The following UQCRC2 variants were observed in gnomAD, a reference collection of about 807,000 sequenced individuals.
The protein encoded by UQCRC2 is cytochrome b-c1 complex subunit 2, mitochondrial.
Under a neutral mutation model 55.6 loss-of-function variants are expected in UQCRC2, and 49 were observed. The observed-to-expected ratio is 0.88, with a 90% CI of 0.70 to 1.12. The LOEUF is 1.12. Among genes scored for constraint, UQCRC2 ranks in the 50% most tolerant of loss-of-function variants. The probability of loss-of-function intolerance (pLI) is 0.00; values close to 1 mark genes in which losing one functional copy is unlikely to be tolerated. For synonymous variants in UQCRC2, 193 were observed against 192.0 expected (o/e 1.01, Z -0.04); for missense variants, 506 against 547.8 (o/e 0.92, Z 0.76).
In UQCRC2 at chr16:21,958,587, G is replaced by C. The variant is rs879147382; in HGVS notation, c.320G>C (p.Gly107Ala). 3.1e-6 allele frequency: 5 copies of C among 1,612,174 alleles called. No individual in the cohort carries two copies. Among genetic ancestry groups the C allele is most frequent in the South Asian group, 2.2e-5 (2 of 90,458 alleles). The change falls in exon 4 of 14, where the codon GGT (glycine) becomes GCT (alanine). Residue 107 changes from glycine (G) to alanine (A), a missense_variant. Gly to Ala is a moderately conservative substitution (Grantham distance 60). Transcript: ENST00000268379. ...FKITRGIEAV[G>A]GKLSVTATRE... ...ATAACCCGTGGAATTGAAGCAGTTG[G>C]TGGCAAATTAAGGTTTGTTAAATAA...
At chr16:21,971,471 G>A (rs1597962493) in intron 8 of UQCRC2, 54 bp from the exon 9 acceptor site, 29 of 1,387,230 alleles carry the variant, frequency 2.1e-5, no homozygotes, top group Non-Finnish European at 2.5e-5. Context: ...AATATTTTAC[G>A]ATTGTGTTTT....
In UQCRC2 at chr16:21,983,189, C is replaced by T. The variant is rs374530097; in HGVS notation, c.*18C>T. 3.2e-5 allele frequency: 51 copies of T among 1,607,026 alleles called. No homozygotes were observed. Among genetic ancestry groups the T allele is most frequent in the Admixed American group, 2.3e-4 (14 of 59,716 alleles). ...AGTTGTAATACTGATGCACACATTA[C>T]AGGAGAGAGCTGAACGTTCTCTCAG... On this transcript the variant is annotated 3_prime_UTR_variant, in exon 14 of 14. Coordinates refer to ENST00000268379, the MANE Select transcript of UQCRC2 (RefSeq NM_003366.4).
intron 11 of UQCRC2, among the ~76,000 whole-genome samples, chr16:21,974,742 C>T (rs1410220711): frequency 5.9e-5 from 9 of 152,202 alleles, no homozygotes; most frequent in South Asian, 2.1e-4. Flanking sequence ...GCAAAAAGAT[C>T]GGAGCAGATA....
At chr16:21,957,788 C>T (rs773105165) in intron 3 of UQCRC2, among the ~76,000 whole-genome samples, 2 of 152,222 alleles carry the variant, frequency 1.3e-5, no homozygotes, top group African/African-American at 2.4e-5. Context: ...ATCAGCAGGG[C>T]TGTGATCCCT....
At chr16:21,956,328 G>C (rs1898085897) in intron 1 of UQCRC2, among the ~76,000 whole-genome samples, 1 of 152,106 alleles carries the variant, frequency 6.6e-6, no homozygotes, top group Admixed American at 6.5e-5. Context: ...TGGATTGCCT[G>C]AGCTCAGGAG....
At chr16:21,963,603 A>G (rs1452554942) in intron 6 of UQCRC2, among the ~76,000 whole-genome samples, 1 of 151,960 alleles carries the variant, frequency 6.6e-6, no homozygotes, top group Non-Finnish European at 1.5e-5. Flanking sequence ...AGCTGGGACT[A>G]CAGGCACACA....
chr16:21,982,262 A>G (rs1325511097), intron 13 of UQCRC2, among the ~76,000 whole-genome samples: 5 of 152,096 alleles, frequency 3.3e-5, no homozygotes, highest in Admixed American at 1.3e-4. Context: ...CTGACAGAAT[A>G]TGGGGGCTGC....
chr16:21,967,922 C>T (rs1014850246), intron 7 of UQCRC2, among the ~76,000 whole-genome samples: 5 of 151,616 alleles, frequency 3.3e-5, no homozygotes, highest in South Asian at 2.1e-4. Context: ...TGACATACTA[C>T]GTAAGCTACA....
At chr16:21,980,431 C>T (rs1447705711) in intron 12 of UQCRC2, 116 bp from the exon 13 acceptor site, 26 of 1,069,586 alleles carry the variant, frequency 2.4e-5, no homozygotes, top group South Asian at 1.6e-4. Flanking sequence ...GAGGGAGACA[C>T]GCTGTTACTC....
intron 6 of UQCRC2, among the ~76,000 whole-genome samples, chr16:21,963,884 G>A (rs1898262466): frequency 6.6e-6 from 1 of 152,060 alleles, no homozygotes; most frequent in East Asian, 1.9e-4. Context: ...CCTCTTTATT[G>A]AGTCTTTCCA....
At chr16:21,969,431 G>C (rs1253315288) in intron 8 of UQCRC2, among the ~76,000 whole-genome samples, 3 of 152,180 alleles carry the variant, frequency 2.0e-5, no homozygotes, top group Non-Finnish European at 4.4e-5. Context: ...CTATCGGGGG[G>C]CTGAGGAGGA....
intron 3 of UQCRC2, 93 bp from the exon 4 acceptor site, chr16:21,958,442 T>A: frequency 8.8e-7 from 1 of 1,131,466 alleles, no homozygotes; most frequent in Non-Finnish European, 1.3e-6. Context: ...AAAATTCTTT[T>A]TAAATCTGCT....
At chr16:21,957,728 A>G (rs1898112687) in intron 3 of UQCRC2, among the ~76,000 whole-genome samples, 162 bp downstream of exon 3, 1 of 152,218 alleles carries the variant, frequency 6.6e-6, no homozygotes, top group Non-Finnish European at 1.5e-5. Context: ...ATCCTGTTAC[A>G]GTTCTAGAGG....
chr16:21,973,420 C>T (rs1898510634), intron 10 of UQCRC2, among the ~76,000 whole-genome samples: 1 of 152,158 alleles, frequency 6.6e-6, no homozygotes, highest in Non-Finnish European at 1.5e-5. Flanking sequence ...AGAGGTTAAA[C>T]TCTTGATAGC....
chr16:21,976,747 G>A (rs528776603), intron 12 of UQCRC2: 1 of 152,174 alleles, frequency 6.6e-6, no homozygotes, highest in Admixed American at 6.5e-5. Flanking sequence ...GGGACCATCT[G>A]TATACTTTTT....
chr16:21,955,269 C>A (rs1205691648), intron 1 of UQCRC2, among the ~76,000 whole-genome samples: 1 of 152,024 alleles, frequency 6.6e-6, no homozygotes, highest in East Asian at 1.9e-4. Flanking sequence ...AAATTGATGA[C>A]GATAAAGTAA....
rs1567476465 is a variant in UQCRC2 at position 21,971,950 on chromosome 16, G to C, written c.794G>C (p.Ser265Thr). 6.2e-7 allele frequency: 1 copy of C among 1,614,140 alleles called. No individual in the cohort carries two copies. The highest frequency in any genetic ancestry group is 8.5e-7 in the Non-Finnish European group (1 of 1,180,032). Residue 265 changes from serine (S) to threonine (T), a missense_variant, in exon 10 of 14, where the codon AGT becomes ACT. Transcript: ENST00000268379. ...GAAATCCGAGAACAGAATGGAGACAGTCTTGTCCATGCTGCTTTTGTAGCA... is the reference window on the plus strand; with the variant it reads ...GAAATCCGAGAACAGAATGGAGACACTCTTGTCCATGCTGCTTTTGTAGCA... ...GGEIREQNGD[S>T]LVHAAFVAES...
intron 7 of UQCRC2, among the ~76,000 whole-genome samples, chr16:21,968,040 C>T (rs1355089171): frequency 3.7e-5 from 5 of 135,156 alleles, no homozygotes; most frequent in South Asian, 2.3e-4. Context: ...CTTGCTGTGT[C>T]GCCCAGGCCA....
At chr16:21,963,025 G>C in intron 6 of UQCRC2, 140 bp downstream of exon 6, 2 of 1,162,834 alleles carry the variant, frequency 1.7e-6, no homozygotes, top group Non-Finnish European at 2.3e-6. Context: ...GTCTCACTCT[G>C]TCACCCAGGC....
Sources: gnomAD v4.1 joint callset for allele counts (sites outside exome capture counted in the v4.1 genomes callset) on GRCh38, gnomAD v4.1.1 for gene constraint, MANE v1.5 for transcripts, NCBI Gene and HGNC (gene_info 2026-07-23, HGNC 2026-07-21) for gene names.